The following TMPRSS7 variants were observed in gnomAD, a reference collection of about 807,000 sequenced individuals.
TMPRSS7 encodes transmembrane protease serine 7.
TMPRSS7 carries 81 observed loss-of-function variants against 95.6 expected under a neutral mutation model. That is an observed-to-expected ratio of 0.85 (90% CI 0.71 to 1.02). TMPRSS7 has a LOEUF of 1.02. Among genes scored for constraint, TMPRSS7 ranks in the 50% least tolerant of loss-of-function variants. The pLI, the probability that TMPRSS7 is intolerant of heterozygous loss-of-function variation, is 0.00. For missense variants in TMPRSS7, 945 were observed against 955.2 expected, an observed-to-expected ratio of 0.99 and a Z score of 0.14; for synonymous variants, 364 against 337.8, an observed-to-expected ratio of 1.08 and a Z score of -0.85.
At chr3:112,073,931 C>G (rs1056620185) in intron 13 of TMPRSS7, among the ~76,000 whole-genome samples, 1 of 152,186 alleles carries the variant, frequency 6.6e-6, no homozygotes, top group Admixed American at 6.5e-5. Flanking sequence ...AATAACTGAG[C>G]ATGGCTGTGA....
upstream of TMPRSS7, chr3:112,034,790 G>C (rs2107733489): frequency 1.4e-6 from 1 of 701,624 alleles, no homozygotes; most frequent in East Asian, 2.7e-5. Context: ...GAGCATATAA[G>C]GGGCAAAAAC....
intron 12 of TMPRSS7, 84 bp from the exon 13 acceptor site, chr3:112,066,307 AC>A (rs1336155986): frequency 1.8e-6 from 2 of 1,137,366 alleles, no homozygotes; most frequent in Non-Finnish European, 2.6e-6. Flanking sequence ...AATGATTTGT[AC>A]CTTGAGACTG....
At chr3:112,051,543 CTATCTATCTATCTATCTATCTATG>C (rs2073350353) in intron 9 of TMPRSS7, among the ~76,000 whole-genome samples, 6 of 150,924 alleles carry the variant, frequency 4.0e-5, no homozygotes, top group African/African-American at 1.5e-4. Flanking sequence ...ATCTATCTAT[CTATCTATCTATCTATCTATCTATG>C]TATCTATCTA....
Position 112,042,123 on chromosome 3 carries a change from A to G in TMPRSS7, c.429+73A>G. 3.1e-6 allele frequency: 4 copies of G among 1,271,666 alleles called. No homozygotes were observed. The Admixed American group carries it at 8.0e-5, about 25-fold the overall frequency. 78.8% of individuals were successfully genotyped at this position (1,271,666 alleles called of 1,614,324 possible). Reference sequence around the variant, plus strand: ...GAGGTGGGGGATGAAGCTGGAGGGGAACACAAGTGTCACAGGTGAGCAGGG... The same window carrying G: ...GAGGTGGGGGATGAAGCTGGAGGGGGACACAAGTGTCACAGGTGAGCAGGG... On this transcript the variant is annotated intron_variant, in intron 3 of 17. Coordinates refer to ENST00000452346, the Ensembl canonical transcript of TMPRSS7.
At chr3:112,058,514 C>A (rs891577831) in intron 10 of TMPRSS7, among the ~76,000 whole-genome samples, 1 of 151,948 alleles carries the variant, frequency 6.6e-6, no homozygotes, top group Admixed American at 6.5e-5. Context: ...ATCATGTATA[C>A]CACAAAGCAA....
At chr3:112,073,844 A>C (rs73856337) in intron 13 of TMPRSS7, among the ~76,000 whole-genome samples, 4,559 of 152,304 alleles carry the variant, frequency 0.03, 190 homozygotes, top group African/African-American at 0.088. Flanking sequence ...CTCACCCTTG[A>C]AGAAACAAAC....
intron 5 of TMPRSS7, among the ~76,000 whole-genome samples, chr3:112,046,214 A>G (rs2073276399): frequency 6.6e-6 from 1 of 152,214 alleles, no homozygotes; most frequent in Admixed American, 6.5e-5. Context: ...CAGGTCATGC[A>G]TCATCAAACT....
exon 7 of TMPRSS7, chr3:112,047,908 C>T (rs2073299729): frequency 3.1e-6 from 5 of 1,614,004 alleles, no homozygotes; most frequent in Non-Finnish European, 4.2e-6. Flanking sequence ...ACAACTGTGT[C>T]ACTGACTCCC....
chr3:112,061,221 G>A lies in TMPRSS7; in HGVS notation c.1311-566G>A, dbSNP rs116215899. On this transcript the variant is annotated intron_variant, in intron 10 of 17. Transcript: ENST00000452346. ...GGATATTTTCTCTAAAGGATACTGG[G>A]GGGCATTAGGTGATGAGAGGTAAGA... Among the ~76,000 whole-genome samples the A allele has an allele frequency of 7.9e-3, 1,206 of 152,236 alleles. 17 individuals carry two copies. Among genetic ancestry groups the A allele is most frequent in the African/African-American group, 0.028 (1,144 of 41,540 alleles).
intron 4 of TMPRSS7, among the ~76,000 whole-genome samples, chr3:112,045,205 T>C (rs574044226): frequency 6.6e-6 from 1 of 152,308 alleles, no homozygotes; most frequent in East Asian, 1.9e-4. Context: ...TGGAGTACAA[T>C]GGCATGATCT....
intron 5 of TMPRSS7, 110 bp downstream of exon 5, chr3:112,046,053 A>T: frequency 1.0e-6 from 1 of 962,946 alleles, no homozygotes; most frequent in East Asian, 2.7e-5. Flanking sequence ...ATTACCCCAC[A>T]ATCCCAGTGG....
intron 15 of TMPRSS7, 139 bp from the exon 16 acceptor site, chr3:112,076,737 C>T (rs1047117305): frequency 1.8e-5 from 18 of 1,012,968 alleles, no homozygotes; most frequent in African/African-American, 9.7e-5. Flanking sequence ...CCATGGTCCC[C>T]GGACAAAGCC....
At chr3:112,040,312 A>C (rs1259216300) in intron 2 of TMPRSS7, among the ~76,000 whole-genome samples, 1 of 152,216 alleles carries the variant, frequency 6.6e-6, no homozygotes, top group East Asian at 1.9e-4. Flanking sequence ...GAAAGTTCAG[A>C]GTTCAGTGCT....
Position 112,056,179 on chromosome 3 carries a change from G to A in TMPRSS7, c.1204-846G>A, listed in dbSNP as rs141312753. ...ATATTAAATATTGAATATCATACAC[G>A]AGTTTCATATTATAGATATGCAGAC... On this transcript the variant is annotated intron_variant, in intron 9 of 17. Coordinates refer to ENST00000452346, the Ensembl canonical transcript of TMPRSS7. 8.9e-3 allele frequency among the ~76,000 whole-genome samples: 1,356 copies of A among 152,160 alleles called. 29 individuals carry two copies. Among genetic ancestry groups the A allele is most frequent in the African/African-American group, 0.031 (1,293 of 41,500 alleles).
chr3:112,066,329 T>C, intron 12 of TMPRSS7, 63 bp from the exon 13 acceptor site: 1 of 1,420,828 alleles, frequency 7.0e-7, no homozygotes. Context: ...GCACTGCTGA[T>C]CATCAGAGAA....
chr3:112,041,587 GA>G, intron 2 of TMPRSS7, among the ~76,000 whole-genome samples: 1 of 152,052 alleles, frequency 6.6e-6, no homozygotes, highest in African/African-American at 2.4e-5. Flanking sequence ...TATTCCTTCA[GA>G]GAGCCCATAA....
intron 9 of TMPRSS7, among the ~76,000 whole-genome samples, chr3:112,054,800 GCA>G: frequency 8.0e-6 from 1 of 124,812 alleles, no homozygotes; most frequent in African/African-American, 3.0e-5. Context: ...GAGTGCAGTG[GCA>G]CATCTCGGCT....
intron 11 of TMPRSS7, among the ~76,000 whole-genome samples, chr3:112,062,765 T>C (rs908086174): frequency 1.3e-5 from 2 of 152,242 alleles, no homozygotes; most frequent in Admixed American, 1.3e-4. Context: ...CATTCCATCA[T>C]GTGCCATTGA....
At chr3:112,050,864 C>T (rs1035992612) in intron 9 of TMPRSS7, 81 bp downstream of exon 9, 34 of 681,416 alleles carry the variant, frequency 5.0e-5, no homozygotes, top group Admixed American at 8.3e-5. Flanking sequence ...TTTTTAATTA[C>T]AAAAGAATAT....
Sources: gnomAD v4.1 joint callset for allele counts (sites outside exome capture counted in the v4.1 genomes callset) on GRCh38, gnomAD v4.1.1 for gene constraint, MANE v1.5 for transcripts, NCBI Gene and HGNC (gene_info 2026-07-23, HGNC 2026-07-21) for gene names.